SCN1A: variants seen among roughly 807,000 people sequenced by gnomAD.
SCN1A encodes the protein sodium channel protein type 1 subunit alpha.
In SCN1A, 13 loss-of-function variants were observed where a neutral mutation model predicts 193.7. That is an observed-to-expected ratio of 0.07 (90% CI 0.04 to 0.11). SCN1A has a LOEUF of 0.11. SCN1A is among the 10% of genes least tolerant of loss of function. The pLI, the probability that SCN1A is intolerant of heterozygous loss-of-function variation, is 1.00. For synonymous variants in SCN1A, 781 were observed against 843.6 expected (o/e 0.93, Z 1.29); for missense variants, 1,432 against 2,451.1 (o/e 0.58, Z 8.78).
chr2:166,047,904 TC>T, intron 10 of SCN1A, 136 bp from the exon 11 acceptor site: 2 of 1,170,444 alleles, frequency 1.7e-6, no homozygotes, highest in South Asian at 2.7e-5. Context: ...CTAATCTATT[TC>T]CCAACTTTTG....
chr2:165,989,807 AC>A lies in SCN1A; in HGVS notation c.*1437del, dbSNP rs1688895968. Reference sequence around the variant, plus strand: ...TAATGCTGAAAAATAAAATAAAGTGACTTTTTACAGTATTTATATTTGCTTA... The same window carrying A: ...TAATGCTGAAAAATAAAATAAAGTGATTTTTACAGTATTTATATTTGCTTA... On this transcript the variant is annotated 3_prime_UTR_variant, in exon 29 of 29. Transcript: ENST00000674923. 6.6e-6 allele frequency: 1 copy of A among 152,564 alleles called. No individual in the cohort carries two copies. The highest frequency in any genetic ancestry group is 1.5e-5 in the Non-Finnish European group (1 of 68,012). 9.5% of individuals were successfully genotyped at this position (152,564 alleles called of 1,614,324 possible).
chr2:166,013,831 G>T lies in SCN1A; in HGVS notation c.3618C>A (p.Asn1206Lys), dbSNP rs762734890. The change falls in exon 21 of 29, where the codon AAC (asparagine) becomes AAA (lysine). Residue 1206 changes from asparagine (N) to lysine (K), a missense_variant. Around this residue, in one of 18 missense-constraint regions of SCN1A, gnomAD observed 198 missense variants for 225.8 expected, o/e 0.88. Transcript: ENST00000674923. ...CTATTCGGAAACACGTCCTTCTCAG[G>T]TTCCACCATTGTTTTCCTCTGCCTT... ...VEEGRGKQWW[N>K]LRRTCFRIVE... 2 of 1,612,370 alleles carry T rather than the reference G, an allele frequency of 1.2e-6. No individual in the cohort carries two copies. The highest frequency in any genetic ancestry group is 8.5e-7 in the Non-Finnish European group (1 of 1,178,738).
At chr2:166,012,794 C>T (rs939608129) in intron 21 of SCN1A, among the ~76,000 whole-genome samples, 1 of 111,488 alleles carries the variant, frequency 9.0e-6, no homozygotes, top group African/African-American at 2.7e-5. Context: ...TGTTTCTCAA[C>T]AGACATACAG....
intron 2 of SCN1A, among the ~76,000 whole-genome samples, chr2:166,106,302 G>A (rs1352066886): frequency 1.3e-5 from 2 of 152,144 alleles, no homozygotes; most frequent in Non-Finnish European, 1.5e-5. Context: ...CCATAAAGAT[G>A]TAAGAGAATC....
In SCN1A at chr2:165,992,518, C is replaced by T. The variant is rs1269570663; in HGVS notation, c.4853-96G>A. 4.0e-6 allele frequency: 5 copies of T among 1,242,840 alleles called. No homozygotes were observed. Among genetic ancestry groups the T allele is most frequent in the Admixed American group, 1.8e-5 (1 of 54,650 alleles). 77.0% of individuals were successfully genotyped at this position (1,242,840 alleles called of 1,614,324 possible). A position where few individuals can be genotyped will look rare whatever the true frequency, so the allele number is the denominator to read the frequency against. On this transcript the variant is annotated intron_variant, in intron 28 of 28. Transcript: ENST00000674923. This position sits in a 1 kb window ranked among gnomAD's most constrained non-coding sequence, Gnocchi z 6.5. ...AAGCTCCAAGGTAAGGTTCAGAGTC[C>T]TGAACCCAGTTATATTAAATATGAC...
intron 5 of SCN1A, among the ~76,000 whole-genome samples, chr2:166,057,452 G>GATAATAAA (rs1699244767): frequency 6.6e-6 from 1 of 151,704 alleles, no homozygotes; most frequent in Admixed American, 6.6e-5. Flanking sequence ...AAAGGGTCCA[G>GATAATAAA]GACTAGAATA....
At chr2:166,128,722 C>G (rs1558906842), upstream of SCN1A, among the ~76,000 whole-genome samples, 1 of 152,154 alleles carries the variant, frequency 6.6e-6, no homozygotes, top group Non-Finnish European at 1.5e-5. Context: ...ATCTTGTGGA[C>G]ACAGCCTAAA....
rs1688836278 is a variant in SCN1A at position 165,989,312 on chromosome 2, T to TAAGA, written c.*1929_*1932dup. 1.3e-5 allele frequency: 2 copies of TAAGA among 152,462 alleles called. No homozygotes were observed. Among genetic ancestry groups the TAAGA allele is most frequent in the African/African-American group, 2.4e-5 (1 of 41,384 alleles). 9.4% of individuals were successfully genotyped at this position (152,462 alleles called of 1,614,324 possible). Reference sequence around the variant, plus strand: ...AAGAGGAGCCTATGGTTTGCTTCTGTAAGAAACACAAAATGTCCTGATGTA... The same window carrying TAAGA: ...AAGAGGAGCCTATGGTTTGCTTCTGTAAGAAAGAAACACAAAATGTCCTGATGTA... On this transcript the variant is annotated 3_prime_UTR_variant, in exon 29 of 29. Transcript: ENST00000674923.
chr2:166,146,491 A>G (rs932795843), intron 1 of SCN1A, among the ~76,000 whole-genome samples: 13 of 152,202 alleles, frequency 8.5e-5, no homozygotes, highest in African/African-American at 2.7e-4. Flanking sequence ...GTAGACAGGT[A>G]TCAATGTCTG....
intron 1 of SCN1A, among the ~76,000 whole-genome samples, chr2:166,142,485 TA>T (rs1692130083): frequency 6.6e-6 from 1 of 152,188 alleles, no homozygotes; most frequent in African/African-American, 2.4e-5. Flanking sequence ...TGGTTGTGCT[TA>T]CTACTATAAA....
chr2:166,004,208 T>C (rs1691339313), intron 23 of SCN1A, among the ~76,000 whole-genome samples: 1 of 151,612 alleles, frequency 6.6e-6, no homozygotes, highest in Non-Finnish European at 1.5e-5. Flanking sequence ...TTAGATTTCT[T>C]TCAGATTAGA....
At chr2:166,077,127 A>G (rs985636051) in intron 3 of SCN1A, 1 of 151,848 alleles carries the variant, frequency 6.6e-6, no homozygotes, top group African/African-American at 2.4e-5. Context: ...TTGCTTCTTC[A>G]CTGCCATTTT....
intron 2 of SCN1A, among the ~76,000 whole-genome samples, chr2:166,119,030 C>T (rs977944422): frequency 6.6e-6 from 1 of 152,128 alleles, no homozygotes; most frequent in African/African-American, 2.4e-5. Context: ...ATGCACAGTT[C>T]ACAATAGGGT....
intron 2 of SCN1A, among the ~76,000 whole-genome samples, chr2:166,117,931 C>G (rs1007209678): frequency 2.0e-5 from 3 of 151,332 alleles, no homozygotes; most frequent in Admixed American, 6.6e-5. Flanking sequence ...CCATTGCACT[C>G]CAGCCTGGGC....
At chr2:166,067,027 T>A (rs1388889872) in intron 4 of SCN1A, among the ~76,000 whole-genome samples, 1 of 152,122 alleles carries the variant, frequency 6.6e-6, no homozygotes, top group African/African-American at 2.4e-5. Flanking sequence ...CTTGGAAGAT[T>A]CTCCTCTCCC....
intron 2 of SCN1A, among the ~76,000 whole-genome samples, chr2:166,081,364 A>C (rs948696240): frequency 2.3e-4 from 35 of 152,046 alleles, no homozygotes; most frequent in African/African-American, 8.4e-4. Context: ...GTACCCGAAG[A>C]AACTGGCCTT....
chr2:166,069,907 T>C (rs569121863), intron 4 of SCN1A, among the ~76,000 whole-genome samples: 1 of 152,184 alleles, frequency 6.6e-6, no homozygotes, highest in African/African-American at 2.4e-5. Flanking sequence ...ACCATTTAGC[T>C]GTGTCAAGAG....
At chr2:166,042,884 G>A (rs1347231808) in intron 14 of SCN1A, among the ~76,000 whole-genome samples, 1 of 152,088 alleles carries the variant, frequency 6.6e-6, no homozygotes, top group Non-Finnish European at 1.5e-5. Context: ...GATGTAGATG[G>A]TCATTGACAA....
chr2:166,063,608 A>G (rs1367561135), intron 4 of SCN1A, among the ~76,000 whole-genome samples: 4 of 152,098 alleles, frequency 2.6e-5, no homozygotes, highest in Non-Finnish European at 5.9e-5. Flanking sequence ...AGAATATAGA[A>G]GAATTGATGA....
Sources: gnomAD v4.1 joint callset for allele counts (sites outside exome capture counted in the v4.1 genomes callset) on GRCh38, gnomAD v4.1.1 for gene constraint, gnomAD v4.1.1 regional missense constraint, Gnocchi (gnomAD v3.1) non-coding constraint, MANE v1.5 for transcripts, NCBI Gene and HGNC (gene_info 2026-07-23, HGNC 2026-07-21) for gene names.